Variants in ENOSF1 observed in about 807,000 individuals in gnomAD.
ENOSF1 encodes enolase superfamily member 1.
ENOSF1 carries 73 observed loss-of-function variants against 68.2 expected under a neutral mutation model. The ratio of observed to expected loss-of-function variants is 1.07; its 90% CI spans 0.89 to 1.30. The LOEUF is 1.30. ENOSF1 is among the 50% of genes most tolerant of loss of function. The probability of loss-of-function intolerance (pLI) is 0.00; values close to 1 mark genes in which losing one functional copy is unlikely to be tolerated. For synonymous variants in ENOSF1, 223 were observed against 210.4 expected (o/e 1.06, Z -0.52); for missense variants, 589 against 554.5 (o/e 1.06, Z -0.62).
rs1567995479 is a variant in ENOSF1, at chr18:671,303, A to G, written c.*3002T>C. The G allele has an allele frequency of 1.0e-6, 1 of 970,736 alleles. No individual in the cohort carries two copies. The highest frequency in any genetic ancestry group is 1.7e-6 in the Non-Finnish European group (1 of 599,042). 60.1% of individuals were successfully genotyped at this position (970,736 alleles called of 1,614,324 possible). A position where few individuals can be genotyped will look rare whatever the true frequency, so the allele number is the denominator to read the frequency against. On this transcript the variant is annotated 3_prime_UTR_variant, in exon 16 of 16. Transcript: ENST00000647584. ...TTAAAAAAAGCCTTGCGGTGTCTGC[A>G]TATTCTAATGTTTTTAAATGATGTT...
At chr18:686,036 T>G in intron 9 of ENOSF1, 28 bp from the exon 10 acceptor site, 1 of 1,564,614 alleles carries the variant, frequency 6.4e-7, no homozygotes, top group Non-Finnish European at 8.8e-7. Context: ...TTTGCTAGTT[T>G]AGACCTGTAC....
chr18:711,591 C>T (rs138692460), intron 1 of ENOSF1, among the ~76,000 whole-genome samples: 82 of 152,322 alleles, frequency 5.4e-4, no homozygotes, highest in African/African-American at 1.7e-3. Flanking sequence ...GAACAGGCTC[C>T]CTGAAAACCC....
Position 670,804 on chromosome 18 carries a change from G to A in ENOSF1, c.*3501C>T, listed in dbSNP as rs142487107. ...GATCGGGAGACATGGGCCTCGGTGT[G>A]CCTTTCAACATCGCCAGCTACGCCC... On this transcript the variant is annotated 3_prime_UTR_variant, in exon 16 of 16. Coordinates refer to ENST00000647584, the MANE Select transcript of ENOSF1 (RefSeq NM_017512.7). 216 of 1,614,090 alleles carry A rather than the reference G, an allele frequency of 1.3e-4. No individual in the cohort carries two copies. In the African/African-American group the frequency reaches 2.6e-3, roughly 19 times the overall value.
At chr18:696,204 C>CTTTTTTTTTTT (rs368856668) in intron 3 of ENOSF1, among the ~76,000 whole-genome samples, 29 of 118,706 alleles carry the variant, frequency 2.4e-4, no homozygotes, top group African/African-American at 7.0e-4. Context: ...ACATCTCTCT[C>CTTTTTTTTTTT]TTTTTTTTTT....
At position 670,731 on chromosome 18, in the gene ENOSF1, G is replaced by A; in HGVS notation, c.*3574C>T. On this transcript the variant is annotated 3_prime_UTR_variant, in exon 16 of 16. Transcript: ENST00000647584. ...GCGCTGCCTCCATGCCATGCCCTCTGCCAGTTCTATGTGGTGAACAGTGAG... is the reference window on the plus strand; with the variant it reads ...GCGCTGCCTCCATGCCATGCCCTCTACCAGTTCTATGTGGTGAACAGTGAG... 6.2e-7 allele frequency: 1 copy of A among 1,614,064 alleles called. No individual in the cohort carries two copies. Among genetic ancestry groups the A allele is most frequent in the Non-Finnish European group, 8.5e-7 (1 of 1,179,994 alleles).
At chr18:697,621 C>G (rs772885276) in intron 2 of ENOSF1, among the ~76,000 whole-genome samples, 1 of 151,900 alleles carries the variant, frequency 6.6e-6, no homozygotes, top group Non-Finnish European at 1.5e-5. Context: ...CACAGTGGTG[C>G]GCACCTGTAA....
intron 7 of ENOSF1, chr18:690,833 C>A (rs1568075997): frequency 1.2e-5 from 17 of 1,434,180 alleles, no homozygotes; most frequent in East Asian, 5.0e-5. Context: ...TCCCCCAGGG[C>A]TCTCCCTACA....
chr18:666,957 A>T (rs373128618), downstream of ENOSF1, among the ~76,000 whole-genome samples: 8,998 of 20,588 alleles, frequency 0.44, 1,290 homozygotes, highest in Non-Finnish European at 0.46. Flanking sequence ...ATGGTGATGG[A>T]GATGGAGATG....
At chr18:685,819 C>T in intron 10 of ENOSF1, 102 bp downstream of exon 10, 1 of 970,078 alleles carries the variant, frequency 1.0e-6, no homozygotes, top group Non-Finnish European at 1.7e-6. Flanking sequence ...CTTCCTCTGA[C>T]AATTAACTTT....
intron 2 of ENOSF1, among the ~76,000 whole-genome samples, chr18:704,286 G>A (rs1268629668): frequency 1.3e-5 from 2 of 151,596 alleles, no homozygotes; most frequent in East Asian, 2.0e-4. Context: ...AAAACTAGCC[G>A]GGCGTGGTGG....
At position 673,951 on chromosome 18, in the gene ENOSF1, A is replaced by G. The variant is rs1459675395; in HGVS notation, c.*354T>C. 6.1e-6 allele frequency: 1 copy of G among 162,864 alleles called. No homozygotes were observed. The highest frequency in any genetic ancestry group is 1.3e-5 in the Non-Finnish European group (1 of 75,444). The allele number at this position is 162,864 out of a possible 1,614,324, so 10.1% of individuals were successfully genotyped here. On this transcript the variant is annotated 3_prime_UTR_variant, in exon 16 of 16. Transcript: ENST00000647584. ...ATTTTTATTCTGCTAATTTATGACA[A>G]GTGTTAAACAGAACAAGGAATTATT...
intron 14 of ENOSF1, among the ~76,000 whole-genome samples, chr18:677,060 C>T (rs1036625765): frequency 3.3e-5 from 5 of 152,196 alleles, no homozygotes; most frequent in Non-Finnish European, 7.3e-5. Context: ...ACAGAATACA[C>T]GTGATGAAAA....
intron 14 of ENOSF1, among the ~76,000 whole-genome samples, chr18:675,953 A>G (rs1222775032): frequency 6.6e-6 from 1 of 152,096 alleles, no homozygotes; most frequent in African/African-American, 2.4e-5. Context: ...TGGGACCACA[A>G]CTGAGGGAGG....
Position 702,738 on chromosome 18 carries a change from C to T in ENOSF1, c.193+3732G>A, listed in dbSNP as rs148076075. Reference sequence around the variant, plus strand: ...TGGGTGACAGAGCAAGACCTTATCTCAAATAAATTAATAAATAATAAAAAC... The same window carrying T: ...TGGGTGACAGAGCAAGACCTTATCTTAAATAAATTAATAAATAATAAAAAC... On this transcript the variant is annotated intron_variant, in intron 2 of 15. Coordinates refer to ENST00000647584, the MANE Select transcript of ENOSF1 (RefSeq NM_017512.7). Among the ~76,000 whole-genome samples, 649 of 151,680 alleles carry T rather than the reference C, an allele frequency of 4.3e-3. 2 individuals are homozygous for T. Among genetic ancestry groups the T allele is most frequent in the African/African-American group, 0.015 (620 of 41,338 alleles).
intron 2 of ENOSF1, among the ~76,000 whole-genome samples, chr18:704,715 C>A (rs1240886677): frequency 1.3e-5 from 2 of 151,022 alleles, no homozygotes; most frequent in Non-Finnish European, 1.5e-5. Flanking sequence ...AAGCAATTCT[C>A]GTGCTTCAGC....
At chr18:679,368 C>T (rs1463238597) in intron 11 of ENOSF1, among the ~76,000 whole-genome samples, 1 of 145,174 alleles carries the variant, frequency 6.9e-6, no homozygotes, top group Non-Finnish European at 1.6e-5. Context: ...CGCCACCATG[C>T]TGGCTAATTT....
At chr18:678,501 G>T in intron 12 of ENOSF1, 195 bp downstream of exon 12, 1 of 566,270 alleles carries the variant, frequency 1.8e-6, no homozygotes. Flanking sequence ...CATATAAATT[G>T]GAGAAATAGC....
chr18:668,818 C>T (rs553713794), downstream of ENOSF1, among the ~76,000 whole-genome samples: 6 of 151,980 alleles, frequency 3.9e-5, no homozygotes, highest in African/African-American at 1.2e-4. Flanking sequence ...CCATGACAGA[C>T]CAAATATTCA....
At chr18:664,290 A>G in the ENOSF1 span, among the ~76,000 whole-genome samples, 4 of 150,640 alleles carry the variant, frequency 2.7e-5, no homozygotes, top group African/African-American at 9.8e-5. Flanking sequence ...TTGTGAGTGG[A>G]AGTTCACTCA....
Sources: gnomAD v4.1 joint callset for allele counts (sites outside exome capture counted in the v4.1 genomes callset) on GRCh38, gnomAD v4.1.1 for gene constraint, MANE v1.5 for transcripts, NCBI Gene and HGNC (gene_info 2026-07-23, HGNC 2026-07-21) for gene names.